SLC8A1: variants seen among roughly 807,000 people sequenced by gnomAD.
SLC8A1 encodes solute carrier family 8 member A1.
In SLC8A1, 18 loss-of-function variants were observed where a neutral mutation model predicts 68.3. That is an observed-to-expected ratio of 0.26 (90% CI 0.18 to 0.39). The LOEUF (loss-of-function observed/expected upper bound fraction) is 0.39. Ranked by LOEUF, SLC8A1 falls within the 10% of genes least tolerant of loss-of-function variation. The probability of loss-of-function intolerance (pLI) is 1.00; values close to 1 mark genes in which losing one functional copy is unlikely to be tolerated. For synonymous variants in SLC8A1, 475 were observed against 415.5 expected (o/e 1.14, Z -1.74); for missense variants, 985 against 1,156.7 (o/e 0.85, Z 2.15).
chr2:40,148,110 G>A (rs1024523529), intron 6 of SLC8A1, among the ~76,000 whole-genome samples: 3 of 152,144 alleles, frequency 2.0e-5, no homozygotes, highest in African/African-American at 7.2e-5. Flanking sequence ...ATTGTTTTAT[G>A]AAAAGTGTAA....
At chr2:40,325,837 C>A (rs2075765737) in intron 2 of SLC8A1, among the ~76,000 whole-genome samples, 1 of 150,386 alleles carries the variant, frequency 6.6e-6, no homozygotes, top group African/African-American at 2.5e-5. Context: ...GCCTGTAGTC[C>A]CAGCTACTTG....
intron 2 of SLC8A1, among the ~76,000 whole-genome samples, chr2:40,311,505 A>G (rs2073666537): frequency 6.6e-6 from 1 of 152,156 alleles, no homozygotes; most frequent in Admixed American, 6.6e-5. Flanking sequence ...TCAAAAGTTT[A>G]GTAACATGTT....
intron 2 of SLC8A1, among the ~76,000 whole-genome samples, chr2:40,277,544 A>G (rs1347466365): frequency 6.6e-6 from 1 of 152,138 alleles, no homozygotes; most frequent in East Asian, 1.9e-4. Context: ...TGTCTCAAGA[A>G]AAAAAACCAA....
intron 3 of SLC8A1, among the ~76,000 whole-genome samples, chr2:40,176,839 C>T (rs376773430): frequency 5.9e-5 from 9 of 152,134 alleles, no homozygotes; most frequent in African/African-American, 1.9e-4. Context: ...GTGGTCTGCT[C>T]ATTTTACACA....
At chr2:40,309,987 TC>T (rs1171066723) in intron 2 of SLC8A1, among the ~76,000 whole-genome samples, 7 of 152,168 alleles carry the variant, frequency 4.6e-5, no homozygotes, top group African/African-American at 1.7e-4. Flanking sequence ...TGCTTTCCCT[TC>T]CCCTCAGCCC....
At chr2:40,129,217 G>A (rs2148186134) in intron 7 of SLC8A1, among the ~76,000 whole-genome samples, 1 of 150,314 alleles carries the variant, frequency 6.7e-6, no homozygotes, top group African/African-American at 2.5e-5. Flanking sequence ...AGAAAACAGT[G>A]GTCCTTGAGA....
At chr2:40,297,778 C>T (rs1218586966) in intron 2 of SLC8A1, among the ~76,000 whole-genome samples, 4 of 152,142 alleles carry the variant, frequency 2.6e-5, no homozygotes. Flanking sequence ...ATGAATGAAG[C>T]TTTAATGACT....
At position 40,338,882 on chromosome 2, in the gene SLC8A1, G is replaced by A. The variant is rs573588349; in HGVS notation, c.1808+89591C>T. Among the ~76,000 whole-genome samples the A allele has an allele frequency of 4.8e-5, 7 of 147,364 alleles. No individual in the cohort carries two copies. The South Asian group carries it at 1.0e-3, about 22-fold the overall frequency. ...GAAAACAGCGTGCTGTATCTTATAT[G>A]AGAACAACTAAACTAAAAATCAGAA... On this transcript the variant is annotated intron_variant, in intron 2 of 7. Coordinates refer to ENST00000406785, the Ensembl canonical transcript of SLC8A1.
At chr2:40,246,747 G>T (rs1326836980) in intron 2 of SLC8A1, among the ~76,000 whole-genome samples, 16 of 152,288 alleles carry the variant, frequency 1.1e-4, no homozygotes, top group Non-Finnish European at 1.5e-5. Flanking sequence ...TTCATGGGAA[G>T]CTAGAACTCT....
In SLC8A1 at chr2:40,339,984, T is replaced by C. The variant is rs79884844; in HGVS notation, c.1808+88489A>G. The stretch of plus-strand genomic sequence containing the variant: ...CATCACTGCATGACTTTTCAGAGCT[T>C]TTAATGTGTACTGTGGATGTCCACT... On this transcript the variant is annotated intron_variant, in intron 2 of 7. Coordinates refer to ENST00000406785, the Ensembl canonical transcript of SLC8A1. Among the ~76,000 whole-genome samples the C allele has an allele frequency of 4.1e-4, 63 of 152,304 alleles. 2 individuals are homozygous for C. The East Asian group carries it at 0.012, about 29-fold the overall frequency.
chr2:40,355,407 G>A (rs1672361048), intron 2 of SLC8A1, among the ~76,000 whole-genome samples: 1 of 152,136 alleles, frequency 6.6e-6, no homozygotes, highest in South Asian at 2.1e-4. Flanking sequence ...CCCTGCAGAA[G>A]ACAGGTCTTC....
intron 2 of SLC8A1, among the ~76,000 whole-genome samples, chr2:40,271,264 C>T (rs957872221): frequency 6.6e-6 from 1 of 152,014 alleles, no homozygotes; most frequent in Admixed American, 6.6e-5. Flanking sequence ...CCCTCCCACT[C>T]CTCTCCCAGG....
At chr2:40,413,683 C>T (rs140978264) in intron 2 of SLC8A1, among the ~76,000 whole-genome samples, 157 of 152,280 alleles carry the variant, frequency 1.0e-3, no homozygotes, top group Middle Eastern at 3.4e-3. Flanking sequence ...TATAATATCA[C>T]TGCACAGCAT....
intron 7 of SLC8A1, among the ~76,000 whole-genome samples, chr2:40,119,362 C>T (rs6544310): frequency 0.69 from 104,513 of 151,764 alleles, 36,425 homozygotes; most frequent in Non-Finnish European, 0.74. Flanking sequence ...CAGGAACACA[C>T]GCAAATCCAA....
chr2:40,196,846 G>C (rs2053144614), intron 2 of SLC8A1, among the ~76,000 whole-genome samples: 1 of 151,954 alleles, frequency 6.6e-6, no homozygotes, highest in African/African-American at 2.4e-5. Flanking sequence ...GTTCTTTGTG[G>C]CTCTTGTGGA....
At chr2:40,172,883 A>G (rs1440029309) in intron 4 of SLC8A1, among the ~76,000 whole-genome samples, 2 of 152,160 alleles carry the variant, frequency 1.3e-5, no homozygotes, top group Non-Finnish European at 2.9e-5. Context: ...TGGAGGTTGC[A>G]GTGAGCCGAG....
chr2:40,415,780 CA>C (rs1374404482), intron 2 of SLC8A1, among the ~76,000 whole-genome samples: 5 of 150,606 alleles, frequency 3.3e-5, no homozygotes, highest in Non-Finnish European at 7.4e-5. Flanking sequence ...AGTTAGAGAC[CA>C]GGGGTGGGTC....
chr2:40,460,026 G>A (rs1314135354), intron 1 of SLC8A1, among the ~76,000 whole-genome samples: 1 of 102,806 alleles, frequency 9.7e-6, no homozygotes, highest in Non-Finnish European at 2.2e-5. Flanking sequence ...AACGTCAATG[G>A]TGTCAATGGT....
intron 2 of SLC8A1, among the ~76,000 whole-genome samples, chr2:40,215,639 G>A (rs1012702664): frequency 1.6e-4 from 11 of 70,832 alleles, no homozygotes; most frequent in South Asian, 5.0e-4. Flanking sequence ...GCGAGACTCC[G>A]TCTCAAAAAA....
Sources: gnomAD v4.1 joint callset for allele counts (sites outside exome capture counted in the v4.1 genomes callset) on GRCh38, gnomAD v4.1.1 for gene constraint, MANE v1.5 for transcripts, NCBI Gene and HGNC (gene_info 2026-07-23, HGNC 2026-07-21) for gene names.